Variants in IFT74 observed in about 807,000 individuals in gnomAD.
IFT74 encodes intraflagellar transport 74.
In IFT74, 92 loss-of-function variants were observed where a neutral mutation model predicts 96.7. That is an observed-to-expected ratio of 0.95 (90% CI 0.80 to 1.13). The LOEUF (loss-of-function observed/expected upper bound fraction) is 1.13, where lower values mean the gene tolerates loss of function less well. IFT74 is among the 50% of genes most tolerant of loss of function. The pLI, the probability that IFT74 is intolerant of heterozygous loss-of-function variation, is 0.00. For missense variants in IFT74, 811 were observed against 698.2 expected (o/e 1.16, Z -1.82); for synonymous variants, 223 against 213.2 (o/e 1.05, Z -0.40).
At chr9:26,963,382 A>C (rs1587240704) in intron 2 of IFT74, among the ~76,000 whole-genome samples, 1 of 151,272 alleles carries the variant, frequency 6.6e-6, no homozygotes, top group Admixed American at 6.6e-5. Flanking sequence ...GGTTGGTTCC[A>C]AGTCTTTGCT....
intron 13 of IFT74, chr9:27,036,615 C>T (rs1819210202): frequency 6.6e-7 from 1 of 1,525,314 alleles, no homozygotes; most frequent in East Asian, 2.4e-5. Flanking sequence ...TCTCTAGCAC[C>T]CACTGTTTGA....
At chr9:27,017,813 G>A (rs1829420459) in intron 11 of IFT74, among the ~76,000 whole-genome samples, 2 of 152,104 alleles carry the variant, frequency 1.3e-5, no homozygotes, top group Non-Finnish European at 2.9e-5. Flanking sequence ...TACTACCCCA[G>A]GGGTGGATTT....
chr9:27,012,706 C>CTTTTTT (rs1563974323), intron 10 of IFT74, among the ~76,000 whole-genome samples: 2 of 85,288 alleles, frequency 2.3e-5, no homozygotes, highest in East Asian at 8.5e-4. Flanking sequence ...GTAAAAATGT[C>CTTTTTT]TGTTTTTTTT....
At chr9:27,040,205 C>T (rs796205243) in intron 13 of IFT74, among the ~76,000 whole-genome samples, 3 of 152,142 alleles carry the variant, frequency 2.0e-5, no homozygotes, top group African/African-American at 7.2e-5. Context: ...AACTAGAGCT[C>T]GTTCATAGCA....
Position 27,064,149 on chromosome 9 carries a change from G to T in IFT74, c.*1413G>T, listed in dbSNP as rs962750318. On this transcript the variant is annotated 3_prime_UTR_variant, in exon 20 of 20. Transcript: ENST00000380062. ...AAAACCCTAACTTTCACAGAGCCTA[G>T]GTCACATGAGATGTGTCATTCCAAG... Among the ~76,000 whole-genome samples the T allele has an allele frequency of 1.3e-5, 2 of 151,998 alleles. No individual in the cohort carries two copies. The highest frequency in any genetic ancestry group is 1.3e-4 in the Admixed American group (2 of 15,244).
rs1032331308 is a variant in IFT74, at chr9:26,983,675, G to A, written c.306-582G>A. On this transcript the variant is annotated intron_variant, in intron 4 of 19. Coordinates refer to ENST00000380062, the MANE Select transcript of IFT74 (RefSeq NM_025103.4). ...CCTGTGGCTTGTACTAGTTTGACCA[G>A]GCTTTCATTCTGGTTCTATTTCATC... Among the ~76,000 whole-genome samples the A allele has an allele frequency of 2.6e-5, 4 of 152,046 alleles. No individual in the cohort carries two copies. The South Asian group carries it at 6.2e-4, about 24-fold the overall frequency.
intron 2 of IFT74, among the ~76,000 whole-genome samples, chr9:26,973,434 C>T (rs1359012197): frequency 6.6e-6 from 1 of 152,072 alleles, no homozygotes; most frequent in African/African-American, 2.4e-5. Context: ...TTACTATGTC[C>T]CCAGGAGTTT....
intron 13 of IFT74, among the ~76,000 whole-genome samples, chr9:27,029,942 GT>G (rs1830045485): frequency 6.6e-6 from 1 of 152,084 alleles, no homozygotes; most frequent in African/African-American, 2.4e-5. Context: ...TTCCCCAGGA[GT>G]GGAATTTGAA....
chr9:26,978,152 G>C lies in IFT74; in HGVS notation c.145G>C (p.Gly49Arg), dbSNP rs746236439. The change falls in exon 3 of 20, where the codon GGT becomes CGT. Residue 49 changes from glycine to arginine, a missense_variant. Gly to Arg is a moderately radical substitution (Grantham distance 125). Coordinates refer to ENST00000380062, the MANE Select transcript of IFT74 (RefSeq NM_025103.4). ...TAMPPGTARP[G>R]SRGCPIGTGG... ...GATGCCACCTGGGACAGCAAGACCA[G>C]GTTCTCGTGGTTGTCCCATAGGGAC... is the stretch of plus-strand genomic sequence containing the variant. 1 of 1,606,560 alleles carries C rather than the reference G, an allele frequency of 6.2e-7. No homozygotes were observed. Among genetic ancestry groups the C allele is most frequent in the African/African-American group, 1.3e-5 (1 of 74,546 alleles).
rs1240279800 is a variant in IFT74, at chr9:27,012,714, T to TG, written c.789+746_789+747insG. On this transcript the variant is annotated intron_variant, in intron 10 of 19. Transcript: ENST00000380062. Reference sequence around the variant, plus strand: ...GAGGAAAGTAAAAATGTCTGTTTTTTTTTTTTTTTTTTTTTTTTTTTAGAC... The same window carrying TG: ...GAGGAAAGTAAAAATGTCTGTTTTTTGTTTTTTTTTTTTTTTTTTTTTAGAC... Among the ~76,000 whole-genome samples the TG allele has an allele frequency of 8.7e-5, 10 of 115,000 alleles. No individual in the cohort carries two copies. The East Asian group carries it at 2.2e-3, about 25-fold the overall frequency. 75.4% of individuals were successfully genotyped at this position (115,000 alleles called of 152,430 possible). A position where few individuals can be genotyped will look rare whatever the true frequency, so the allele number is the denominator to read the frequency against.
At chr9:27,060,886 C>T (rs752268661) in intron 19 of IFT74, 3 of 203,920 alleles carry the variant, frequency 1.5e-5, no homozygotes, top group East Asian at 1.2e-4. Flanking sequence ...GGCGTGAAAC[C>T]GGGAGGTGGA....
chr9:26,948,401 A>C lies in IFT74; in HGVS notation c.-20+1255A>C, dbSNP rs924920957. On this transcript the variant is annotated intron_variant, in intron 1 of 19. Transcript: ENST00000433700. ...ATATAATTATCTTTCTGAAATATACACTTAATTGTTTTTTCTCTGTTTGAC... is the reference window on the plus strand; with the variant it reads ...ATATAATTATCTTTCTGAAATATACCCTTAATTGTTTTTTCTCTGTTTGAC... Among the ~76,000 whole-genome samples, 3 of 141,690 alleles carry C rather than the reference A, an allele frequency of 2.1e-5. No homozygotes were observed. In the East Asian group the frequency reaches 6.1e-4, roughly 29 times the overall value. The allele number at this position is 141,690 out of a possible 152,430, so 93.0% of individuals were successfully genotyped here.
chr9:26,975,097 C>T (rs551019586), intron 2 of IFT74, among the ~76,000 whole-genome samples: 15 of 152,122 alleles, frequency 9.9e-5, no homozygotes, highest in African/African-American at 2.6e-4. Flanking sequence ...GGAGGAATAA[C>T]GTGAGCAGGG....
chr9:27,048,923 C>G (rs950913877), intron 16 of IFT74, among the ~76,000 whole-genome samples: 3 of 152,058 alleles, frequency 2.0e-5, no homozygotes, highest in African/African-American at 7.2e-5. Flanking sequence ...GAAATGTGAC[C>G]TCTAGTGTGG....
intron 16 of IFT74, among the ~76,000 whole-genome samples, chr9:27,053,896 A>C (rs911825471): frequency 1.3e-5 from 2 of 152,240 alleles, no homozygotes; most frequent in Non-Finnish European, 2.9e-5. Context: ...TTTGATTCTC[A>C]TAACTATTTC....
intron 2 of IFT74, among the ~76,000 whole-genome samples, chr9:26,962,926 A>ATTTTTTTTTTTTTTTTTTTTTTTTTTTT (rs370313745): frequency 7.3e-6 from 1 of 136,536 alleles, no homozygotes. Flanking sequence ...AACTTTACTA[A>ATTTTTTTTTTTTTTTTTTTTTTTTTTTT]TTTTTTTTTT....
chr9:26,958,977 A>T (rs527671338), intron 1 of IFT74, among the ~76,000 whole-genome samples: 61 of 152,218 alleles, frequency 4.0e-4, no homozygotes, highest in Non-Finnish European at 7.6e-4. Flanking sequence ...GTAAAGTAGG[A>T]TGACATTTAC....
chr9:27,044,740 A>T lies in IFT74; in HGVS notation c.1055-2A>T. ...TCATGTTGTATTTTATATCTCTCATAGGTGAAATGAACCAGAAATACAAGG... is the reference window on the plus strand; with the variant it reads ...TCATGTTGTATTTTATATCTCTCATTGGTGAAATGAACCAGAAATACAAGG... On this transcript the variant is annotated splice_acceptor_variant, in intron 13 of 19. Transcript: ENST00000380062. LOFTEE classifies it high-confidence loss of function. The T allele has an allele frequency of 6.4e-7, 1 of 1,555,076 alleles. No homozygotes were observed. Among genetic ancestry groups the T allele is most frequent in the Non-Finnish European group, 8.8e-7 (1 of 1,136,012 alleles).
intron 14 of IFT74, among the ~76,000 whole-genome samples, chr9:27,045,112 G>A (rs965197325): frequency 2.6e-5 from 4 of 152,172 alleles, no homozygotes; most frequent in Non-Finnish European, 5.9e-5. Flanking sequence ...GAACCAGGCC[G>A]CACACCAGGA....
Sources: allele counts gnomAD v4.1 joint callset (sites outside exome capture counted in the v4.1 genomes callset), GRCh38; gene constraint gnomAD v4.1.1; transcripts MANE v1.5; gene names NCBI Gene and HGNC (gene_info 2026-07-23, HGNC 2026-07-21).